The following PLEKHG1 variants were observed in gnomAD, a reference collection of about 807,000 sequenced individuals.
PLEKHG1 encodes pleckstrin homology domain-containing family G member 1.
PLEKHG1 carries 44 observed loss-of-function variants against 100.8 expected under a neutral mutation model. The observed-to-expected ratio is 0.44, with a 90% CI of 0.34 to 0.56. The LOEUF (loss-of-function observed/expected upper bound fraction) is 0.56, where lower values mean the gene tolerates loss of function less well. Among genes scored for constraint, PLEKHG1 ranks in the 20% least tolerant of loss-of-function variants. The pLI is 0.01. For missense variants in PLEKHG1, 1,545 were observed against 1,720.9 expected, an observed-to-expected ratio of 0.90 and a Z score of 1.81; for synonymous variants, 640 against 662.5, an observed-to-expected ratio of 0.97 and a Z score of 0.52.
chr6:150,642,129 CT>C (rs1778295347), intron 2 of PLEKHG1, among the ~76,000 whole-genome samples: 1 of 152,096 alleles, frequency 6.6e-6, no homozygotes, highest in Admixed American at 6.5e-5. Context: ...ACCTAATGTC[CT>C]GTTTCCCCTT....
At chr6:150,739,482 A>G (rs1220200218) in intron 2 of PLEKHG1, among the ~76,000 whole-genome samples, 1 of 152,142 alleles carries the variant, frequency 6.6e-6, no homozygotes, top group Admixed American at 6.6e-5. Flanking sequence ...AGCCAGGCCA[A>G]CATGGTGAAA....
intron 1 of PLEKHG1, among the ~76,000 whole-genome samples, chr6:150,619,446 A>G (rs1338718791): frequency 6.6e-6 from 1 of 152,216 alleles, no homozygotes; most frequent in Non-Finnish European, 1.5e-5. Context: ...TCAGGAAACC[A>G]GTGACTCCAA....
intron 10 of PLEKHG1, among the ~76,000 whole-genome samples, chr6:150,813,436 G>C (rs1156265007): frequency 6.6e-5 from 10 of 151,908 alleles, no homozygotes; most frequent in Admixed American, 5.2e-4. Context: ...CTGCTCAGCA[G>C]CTTGGAAACT....
At chr6:150,821,555 G>A (rs949706529) in intron 13 of PLEKHG1, among the ~76,000 whole-genome samples, 14 of 151,442 alleles carry the variant, frequency 9.2e-5, no homozygotes, top group Admixed American at 3.3e-4. Flanking sequence ...CCAGTGGCTC[G>A]TGCCTGTAAT....
chr6:150,669,928 C>T (rs993107755), intron 3 of PLEKHG1, among the ~76,000 whole-genome samples: 1 of 152,108 alleles, frequency 6.6e-6, no homozygotes. Context: ...CAATCAGGTC[C>T]TTACCAAAAA....
intron 3 of PLEKHG1, among the ~76,000 whole-genome samples, chr6:150,652,491 G>T (rs995533487): frequency 3.3e-5 from 5 of 152,084 alleles, no homozygotes; most frequent in Non-Finnish European, 4.4e-5. Context: ...GGGAGGCCGA[G>T]GGGGGTGGAT....
intron 1 of PLEKHG1, among the ~76,000 whole-genome samples, chr6:150,730,954 C>T (rs1782218748): frequency 6.6e-6 from 1 of 151,970 alleles, no homozygotes; most frequent in Non-Finnish European, 1.5e-5. Flanking sequence ...ATCATAGCCT[C>T]ATTGGACCCT....
chr6:150,600,930 A>G lies in PLEKHG1; in HGVS notation c.-204+913A>G, dbSNP rs1776330571. 1 of 152,130 alleles carries G rather than the reference A, an allele frequency of 6.6e-6. No homozygotes were observed. The highest frequency in any genetic ancestry group is 2.4e-5 in the African/African-American group (1 of 41,398). 9.4% of individuals were successfully genotyped at this position (152,130 alleles called of 1,614,324 possible). A position where few individuals can be genotyped will look rare whatever the true frequency, so the allele number is the denominator to read the frequency against. On this transcript the variant is annotated intron_variant, in intron 1 of 3. Coordinates refer to the PLEKHG1 transcript ENST00000367326. The surrounding 1 kb of genome is among the most constrained non-coding windows in gnomAD (Gnocchi z 6.2). ...CTCTGGTCCTCAAGGCGCCCTTTGT[A>G]CCACCCGCAGGTGGCCGAGGCTACT...
intron 3 of PLEKHG1, among the ~76,000 whole-genome samples, chr6:150,773,525 C>T (rs1562505693): frequency 6.6e-6 from 1 of 152,200 alleles, no homozygotes; most frequent in East Asian, 1.9e-4. Context: ...CAAAGCGAGA[C>T]TCCGTCTCAA....
chr6:150,669,164 G>C (rs1779500454), intron 3 of PLEKHG1, among the ~76,000 whole-genome samples: 1 of 152,144 alleles, frequency 6.6e-6, no homozygotes, highest in East Asian at 1.9e-4. Context: ...GTTCAGGAAA[G>C]ACAAAAGGAG....
At chr6:150,624,288 ACCCTGCCT>A (rs1777422395) in intron 1 of PLEKHG1, among the ~76,000 whole-genome samples, 1 of 151,692 alleles carries the variant, frequency 6.6e-6, no homozygotes, top group East Asian at 1.9e-4. Context: ...GGGCCCTCAC[ACCCTGCCT>A]ATCTCTGCTT....
intron 14 of PLEKHG1, among the ~76,000 whole-genome samples, chr6:150,826,857 T>C (rs767532526): frequency 6.6e-6 from 1 of 152,126 alleles, no homozygotes; most frequent in Non-Finnish European, 1.5e-5. Flanking sequence ...CAGGCTGGTC[T>C]TAAACTCCTT....
intron 3 of PLEKHG1, among the ~76,000 whole-genome samples, chr6:150,670,741 G>A (rs138910418): frequency 2.2e-4 from 33 of 152,238 alleles, no homozygotes; most frequent in African/African-American, 7.5e-4. Context: ...ATGACATAAT[G>A]TTAACGCTTA....
At chr6:150,783,570 GT>G (rs1785446351) in intron 3 of PLEKHG1, among the ~76,000 whole-genome samples, 1 of 152,014 alleles carries the variant, frequency 6.6e-6, no homozygotes, top group African/African-American at 2.4e-5. Context: ...GGGTTTCACT[GT>G]GTTGGCCGTG....
intron 1 of PLEKHG1, among the ~76,000 whole-genome samples, chr6:150,727,535 A>G (rs1050566612): frequency 1.3e-4 from 20 of 152,216 alleles, no homozygotes; most frequent in African/African-American, 4.8e-4. Flanking sequence ...TTTGTCATGA[A>G]GTAAAAAGTA....
At chr6:150,615,554 A>G (rs1777037953) in intron 1 of PLEKHG1, among the ~76,000 whole-genome samples, 1 of 152,136 alleles carries the variant, frequency 6.6e-6, no homozygotes, top group South Asian at 2.1e-4. Context: ...CCCGAATATA[A>G]ATCTTATATA....
intron 2 of PLEKHG1, 56 bp downstream of exon 3, chr6:150,734,148 G>A: frequency 6.5e-7 from 1 of 1,539,374 alleles, no homozygotes; most frequent in Admixed American, 1.9e-5. Context: ...GCTTGCAAAA[G>A]AAATGACAAA....
In PLEKHG1 at chr6:150,808,078, C is replaced by T. The variant is rs183501049; in HGVS notation, c.913-1027C>T. ...TAACTGAAAGTATAATTGGAATGTTCGTAACACAAAGAAATGATAAATGCT... is the reference window on the plus strand; with the variant it reads ...TAACTGAAAGTATAATTGGAATGTTTGTAACACAAAGAAATGATAAATGCT... On this transcript the variant is annotated intron_variant, in intron 7 of 15. Transcript: ENST00000358517. 1.9e-3 allele frequency among the ~76,000 whole-genome samples: 285 copies of T among 152,224 alleles called. 2 individuals are homozygous for T. The highest frequency in any genetic ancestry group is 6.5e-3 in the African/African-American group (272 of 41,546).
intron 4 of PLEKHG1, among the ~76,000 whole-genome samples, chr6:150,792,217 C>T (rs1226805290): frequency 2.0e-5 from 3 of 151,838 alleles, no homozygotes; most frequent in South Asian, 2.1e-4. Context: ...ATTAGCCGGG[C>T]GTGGTGATGC....
Sources: gnomAD v4.1 joint callset for allele counts (sites outside exome capture counted in the v4.1 genomes callset) on GRCh38, gnomAD v4.1.1 for gene constraint, Gnocchi (gnomAD v3.1) non-coding constraint, MANE v1.5 for transcripts, NCBI Gene and HGNC (gene_info 2026-07-23, HGNC 2026-07-21) for gene names.